SMURF2: variants seen among roughly 807,000 people sequenced by gnomAD.
SMURF2 encodes E3 ubiquitin-protein ligase SMURF2.
A neutral mutation model predicts 109.6 loss-of-function variants in SMURF2; 48 were observed. That is an observed-to-expected ratio of 0.44 (90% CI 0.35 to 0.56). The LOEUF is 0.56. SMURF2 is among the 20% of genes least tolerant of loss of function. The pLI is 0.01. For missense variants in SMURF2, 575 were observed against 909.0 expected (o/e 0.63, Z 4.72); for synonymous variants, 288 against 317.1 (o/e 0.91, Z 0.97).
At chr17:64,637,129 ATTT>A (rs546886359) in intron 1 of SMURF2, among the ~76,000 whole-genome samples, 1 of 143,856 alleles carries the variant, frequency 7.0e-6, no homozygotes. Flanking sequence ...TATCTAAGAG[ATTT>A]TTTTTTTTTT....
intron 3 of SMURF2, chr17:64,593,842 T>A (rs190900107): frequency 5.8e-4 from 136 of 233,264 alleles, no homozygotes; most frequent in African/African-American, 2.7e-3. Flanking sequence ...TAATGTCTAA[T>A]AACACTAAGG....
intron 1 of SMURF2, among the ~76,000 whole-genome samples, chr17:64,659,859 T>C (rs1400676206): frequency 6.6e-6 from 1 of 152,306 alleles, no homozygotes; most frequent in South Asian, 2.1e-4. Context: ...GGAAGGACAA[T>C]GTTTTTAATA....
chr17:64,626,579 A>G (rs1970271657), intron 1 of SMURF2, among the ~76,000 whole-genome samples: 1 of 152,124 alleles, frequency 6.6e-6, no homozygotes, highest in Non-Finnish European at 1.5e-5. Flanking sequence ...CTTGGCCAAC[A>G]TGGCAAAATC....
intron 12 of SMURF2, among the ~76,000 whole-genome samples, chr17:64,558,714 C>A (rs1379984260): frequency 6.6e-6 from 1 of 152,076 alleles, no homozygotes; most frequent in African/African-American, 2.4e-5. Flanking sequence ...GTTTTTAAAA[C>A]CTGGAATAAA....
chr17:64,605,599 G>T (rs184412693), intron 2 of SMURF2, among the ~76,000 whole-genome samples: 1 of 150,926 alleles, frequency 6.6e-6, no homozygotes, highest in East Asian at 1.9e-4. Context: ...TTAGCTGGAC[G>T]TGGTGAAGTG....
chr17:64,588,150 T>C (rs1386226492), intron 5 of SMURF2, among the ~76,000 whole-genome samples: 1 of 143,824 alleles, frequency 7.0e-6, no homozygotes, highest in Non-Finnish European at 1.5e-5. Context: ...AAAAATTCAG[T>C]ATAATCTCCT....
intron 1 of SMURF2, among the ~76,000 whole-genome samples, chr17:64,641,009 A>C (rs1316875219): frequency 6.6e-6 from 1 of 152,070 alleles, no homozygotes; most frequent in East Asian, 1.9e-4. Context: ...CCTGAATTAT[A>C]ATATTTTTTC....
chr17:64,545,260 A>G lies in SMURF2; in HGVS notation c.*588T>C, dbSNP rs946389476. ...CCACTTAGACTAGGTTGAAACATATAATGCAAAATATAATGCTCTGCTATA... is the reference window on the plus strand; with the variant it reads ...CCACTTAGACTAGGTTGAAACATATGATGCAAAATATAATGCTCTGCTATA... On this transcript the variant is annotated 3_prime_UTR_variant, in exon 19 of 19. Transcript: ENST00000262435. The G allele has an allele frequency of 1.1e-4, 17 of 152,664 alleles. No homozygotes were observed. Among genetic ancestry groups the G allele is most frequent in the African/African-American group, 4.1e-4 (17 of 41,460 alleles). 9.5% of individuals were successfully genotyped at this position (152,664 alleles called of 1,614,324 possible).
intron 10 of SMURF2, among the ~76,000 whole-genome samples, chr17:64,570,247 G>A (rs968486264): frequency 1.3e-5 from 2 of 152,122 alleles, no homozygotes; most frequent in African/African-American, 4.8e-5. Context: ...TTTTTGTTGT[G>A]TTTTTAACAT....
intron 10 of SMURF2, among the ~76,000 whole-genome samples, chr17:64,570,014 T>C (rs1354598736): frequency 6.6e-6 from 1 of 152,204 alleles, no homozygotes; most frequent in East Asian, 1.9e-4. Flanking sequence ...GGTTTTAGAA[T>C]CTTCTATCTA....
chr17:64,603,652 T>C (rs1041744099), intron 2 of SMURF2, among the ~76,000 whole-genome samples: 2 of 151,816 alleles, frequency 1.3e-5, no homozygotes, highest in African/African-American at 2.4e-5. Flanking sequence ...AGAATCTAGA[T>C]GGTGGGTCTT....
In SMURF2 at chr17:64,615,664, A is replaced by G. The variant is rs575750766; in HGVS notation, c.53-9024T>C. 4.6e-5 allele frequency among the ~76,000 whole-genome samples: 7 copies of G among 152,352 alleles called. No individual in the cohort carries two copies. In the South Asian group the frequency reaches 1.4e-3, roughly 32 times the overall value. ...TGCTTGAAACAAGAGTATTACACAGATTCACATTCAAGGTGTTATTACAAA... is the reference window on the plus strand; with the variant it reads ...TGCTTGAAACAAGAGTATTACACAGGTTCACATTCAAGGTGTTATTACAAA... On this transcript the variant is annotated intron_variant, in intron 1 of 18. Coordinates refer to ENST00000262435, the MANE Select transcript of SMURF2 (RefSeq NM_022739.4).
intron 10 of SMURF2, among the ~76,000 whole-genome samples, chr17:64,566,576 T>TTTTTTTTTTTTG (rs1969312938): frequency 1.9e-5 from 2 of 105,494 alleles, no homozygotes; most frequent in African/African-American, 6.8e-5. Flanking sequence ...TTTTTTTTTT[T>TTTTTTTTTTTTG]TTTTTTTTTT....
At chr17:64,546,763 C>T (rs1318620201) in intron 17 of SMURF2, among the ~76,000 whole-genome samples, 2 of 152,196 alleles carry the variant, frequency 1.3e-5, no homozygotes, top group Non-Finnish European at 2.9e-5. Flanking sequence ...TCTATAGAAT[C>T]CATTTCAGTT....
intron 1 of SMURF2, among the ~76,000 whole-genome samples, chr17:64,643,797 C>A (rs943164805): frequency 6.6e-6 from 1 of 152,102 alleles, no homozygotes; most frequent in South Asian, 2.1e-4. Context: ...GGGAAGAATT[C>A]TCAGAGGAGA....
At chr17:64,621,899 A>AAT (rs1395108857) in intron 1 of SMURF2, among the ~76,000 whole-genome samples, 1 of 141,110 alleles carries the variant, frequency 7.1e-6, no homozygotes, top group Admixed American at 7.5e-5. Flanking sequence ...ATAAATAAAT[A>AAT]AATAAATAAT....
chr17:64,658,306 G>A (rs991520694), intron 1 of SMURF2, among the ~76,000 whole-genome samples: 12 of 152,130 alleles, frequency 7.9e-5, no homozygotes, highest in African/African-American at 2.7e-4. Flanking sequence ...GCAGTGGGCC[G>A]AGATCAAGCC....
intron 16 of SMURF2, among the ~76,000 whole-genome samples, chr17:64,548,877 T>C (rs1968996093): frequency 6.6e-6 from 1 of 152,200 alleles, no homozygotes; most frequent in African/African-American, 2.4e-5. Flanking sequence ...ACATGTTTGT[T>C]TATAGCAGTG....
intron 3 of SMURF2, among the ~76,000 whole-genome samples, chr17:64,596,358 A>G (rs558598128): frequency 4.6e-5 from 7 of 151,972 alleles, no homozygotes; most frequent in Non-Finnish European, 1.0e-4. Flanking sequence ...TGTGCCTTAC[A>G]TTATATTTCT....
Sources: gnomAD v4.1 joint callset for allele counts (sites outside exome capture counted in the v4.1 genomes callset) on GRCh38, gnomAD v4.1.1 for gene constraint, MANE v1.5 for transcripts, NCBI Gene and HGNC (gene_info 2026-07-23, HGNC 2026-07-21) for gene names.